The following COMMD10 variants were observed in gnomAD, a reference collection of about 807,000 sequenced individuals.
The protein encoded by COMMD10 is COMM domain containing 10, also known as COMM domain-containing protein 10.
A neutral mutation model predicts 28.9 loss-of-function variants in COMMD10; 33 were observed. The ratio of observed to expected loss-of-function variants is 1.14; its 90% CI spans 0.87 to 1.53. The LOEUF is 1.53. Ranked by LOEUF, COMMD10 falls within the 40% of genes most tolerant of loss-of-function variation. The pLI is 0.00. For synonymous variants in COMMD10, 110 were observed against 81.7 expected (o/e 1.35, Z -1.87); for missense variants, 310 against 233.4 (o/e 1.33, Z -2.14).
intron 2 of COMMD10, among the ~76,000 whole-genome samples, chr5:116,088,135 C>G (rs1282789309): frequency 6.6e-6 from 1 of 152,160 alleles, no homozygotes; most frequent in African/African-American, 2.4e-5. Flanking sequence ...ATTTCTTTAT[C>G]AGGTTATAAA....
chr5:116,122,753 G>A (rs1751484548), intron 4 of COMMD10, among the ~76,000 whole-genome samples: 2 of 152,102 alleles, frequency 1.3e-5, no homozygotes, highest in Admixed American at 6.6e-5. Flanking sequence ...ATTGTGAATG[G>A]GAGTTCACTC....
chr5:116,238,189 A>T (rs1749723516), intron 5 of COMMD10, among the ~76,000 whole-genome samples: 1 of 152,188 alleles, frequency 6.6e-6, no homozygotes, highest in Non-Finnish European at 1.5e-5. Context: ...GATATTTCTT[A>T]AAATACCATT....
In COMMD10 at chr5:116,126,926, G is replaced by A. The variant is rs980754615; in HGVS notation, c.400-7142G>A. Among the ~76,000 whole-genome samples the A allele has an allele frequency of 3.3e-5, 5 of 152,132 alleles. No homozygotes were observed. The East Asian group carries it at 9.6e-4, about 29-fold the overall frequency. Reference sequence around the variant, plus strand: ...CAACAAAAGCCAAAATTGACTGATGGGATCTAATTAAACTAAAGAGCTTCT... The same window carrying A: ...CAACAAAAGCCAAAATTGACTGATGAGATCTAATTAAACTAAAGAGCTTCT... On this transcript the variant is annotated intron_variant, in intron 4 of 6. Coordinates refer to ENST00000274458, the MANE Select transcript of COMMD10 (RefSeq NM_016144.4).
chr5:116,109,981 T>G (rs1302100634), intron 4 of COMMD10, among the ~76,000 whole-genome samples: 1 of 152,246 alleles, frequency 6.6e-6, no homozygotes, highest in Non-Finnish European at 1.5e-5. Context: ...AACTTTTCCC[T>G]GTTCAGTGTG....
At chr5:116,085,626 G>C (rs1278259682) in intron 1 of COMMD10, 1 of 152,498 alleles carries the variant, frequency 6.6e-6, no homozygotes, top group Non-Finnish European at 1.5e-5. Context: ...GCTTTTATTT[G>C]CATTTTAAAC....
At chr5:116,212,202 A>G (rs1748984014) in intron 5 of COMMD10, among the ~76,000 whole-genome samples, 1 of 152,176 alleles carries the variant, frequency 6.6e-6, no homozygotes, top group African/African-American at 2.4e-5. Flanking sequence ...ATAATACCAT[A>G]GAAATAACCA....
intron 5 of COMMD10, among the ~76,000 whole-genome samples, chr5:116,214,317 A>G (rs1749044562): frequency 6.6e-6 from 1 of 152,158 alleles, no homozygotes; most frequent in South Asian, 2.1e-4. Flanking sequence ...CATGAAATTT[A>G]CTAACTACAT....
At chr5:116,124,698 G>A (rs187782205) in intron 4 of COMMD10, among the ~76,000 whole-genome samples, 4 of 152,240 alleles carry the variant, frequency 2.6e-5, no homozygotes, top group Admixed American at 2.6e-4. Flanking sequence ...TATTGTATGG[G>A]AGTCTAAGTC....
intron 5 of COMMD10, among the ~76,000 whole-genome samples, chr5:116,279,877 T>C (rs193266586): frequency 2.6e-5 from 4 of 151,934 alleles, no homozygotes; most frequent in Admixed American, 2.0e-4. Flanking sequence ...CCATCCGCTA[T>C]ATTTATCAAA....
chr5:116,134,355 A>G (rs1393170567), intron 5 of COMMD10, among the ~76,000 whole-genome samples, 177 bp downstream of exon 5: 2 of 152,224 alleles, frequency 1.3e-5, no homozygotes, highest in Non-Finnish European at 2.9e-5. Flanking sequence ...CTTTCTTACA[A>G]AAACATTTCA....
At chr5:116,193,006 T>TCC (rs1263283700) in intron 5 of COMMD10, among the ~76,000 whole-genome samples, 1 of 152,220 alleles carries the variant, frequency 6.6e-6, no homozygotes, top group Non-Finnish European at 1.5e-5. Flanking sequence ...TAGCCTTATC[T>TCC]TCAGCCTCCT....
rs183905231 is a variant in COMMD10, at chr5:116,146,633, T to G, written c.510+12455T>G. ...TCCTGGCATAGTTTAAATAAGATTT[T>G]AAGCATGTTTACGGTGTTAGTTACT... On this transcript the variant is annotated intron_variant, in intron 5 of 6. Transcript: ENST00000274458. Among the ~76,000 whole-genome samples the G allele has an allele frequency of 2.0e-3, 311 of 152,038 alleles. 4 individuals carry two copies. The highest frequency in any genetic ancestry group is 7.2e-3 in the African/African-American group (298 of 41,508).
chr5:116,121,923 T>G (rs1438828716), intron 4 of COMMD10, among the ~76,000 whole-genome samples: 1 of 152,250 alleles, frequency 6.6e-6, no homozygotes, highest in Non-Finnish European at 1.5e-5. Flanking sequence ...TTTCTCCCAT[T>G]CTGTAGGTTG....
intron 5 of COMMD10, among the ~76,000 whole-genome samples, chr5:116,259,877 G>A (rs1321361264): frequency 6.6e-6 from 1 of 151,550 alleles, no homozygotes; most frequent in Non-Finnish European, 1.5e-5. Flanking sequence ...TTGACCATGA[G>A]CTTTGAGTTT....
chr5:116,110,485 C>T (rs573506435), intron 4 of COMMD10, among the ~76,000 whole-genome samples: 4 of 152,182 alleles, frequency 2.6e-5, no homozygotes, highest in East Asian at 3.9e-4. Flanking sequence ...GCTGTGAATC[C>T]GTCTGGTCCT....
At chr5:116,119,085 T>C (rs1400317577) in intron 4 of COMMD10, among the ~76,000 whole-genome samples, 1 of 152,166 alleles carries the variant, frequency 6.6e-6, no homozygotes, top group Non-Finnish European at 1.5e-5. Flanking sequence ...ATTATCTTCA[T>C]ATATTCTTGG....
chr5:116,265,722 G>A (rs1750566983), intron 5 of COMMD10, among the ~76,000 whole-genome samples: 1 of 149,150 alleles, frequency 6.7e-6, no homozygotes, highest in African/African-American at 2.4e-5. Flanking sequence ...AGTAGGTGCT[G>A]TTGTTATGCC....
chr5:116,133,803 G>T (rs1219651803), intron 4 of COMMD10, among the ~76,000 whole-genome samples: 2 of 151,840 alleles, frequency 1.3e-5, no homozygotes, highest in Non-Finnish European at 2.9e-5. Context: ...ATATTTCATT[G>T]CTTGGTATTA....
At position 116,209,735 on chromosome 5, in the gene COMMD10, C is replaced by G. The variant is rs250322; in HGVS notation, c.510+75557C>G. On this transcript the variant is annotated intron_variant, in intron 5 of 6. Transcript: ENST00000274458. ...AAGTATTTTCAATTAACTTTCTCCA[C>G]GCGTCTCTTAAATATATGTTTTTGT... Among the ~76,000 whole-genome samples, 414 of 152,180 alleles carry G rather than the reference C, an allele frequency of 2.7e-3. 4 individuals are homozygous for G. Among genetic ancestry groups the G allele is most frequent in the Non-Finnish European group, 4.6e-3 (316 of 67,996 alleles).
Sources: gnomAD v4.1 joint callset for allele counts (sites outside exome capture counted in the v4.1 genomes callset) on GRCh38, gnomAD v4.1.1 for gene constraint, MANE v1.5 for transcripts, NCBI Gene and HGNC (gene_info 2026-07-23, HGNC 2026-07-21) for gene names.